The following MTCL1 variants were observed in gnomAD, a reference collection of about 807,000 sequenced individuals.
MTCL1 encodes microtubule crosslinking factor 1, also known as microtubule cross-linking factor 1.
MTCL1 carries 79 observed loss-of-function variants against 141.4 expected under a neutral mutation model. The observed-to-expected ratio is 0.56, with a 90% confidence interval of 0.47 to 0.67. The LOEUF (loss-of-function observed/expected upper bound fraction) is 0.67, where lower values mean the gene tolerates loss of function less well. Ranked by LOEUF, MTCL1 falls within the 30% of genes least tolerant of loss-of-function variation. The pLI is 0.00. For missense variants in MTCL1, 2,177 were observed against 2,113.9 expected, an observed-to-expected ratio of 1.03 and a Z score of -0.59; for synonymous variants, 914 against 875.8, an observed-to-expected ratio of 1.04 and a Z score of -0.77.
chr18:8,714,804 CTT>C (rs34270484), upstream of MTCL1, among the ~76,000 whole-genome samples: 1 of 148,688 alleles, frequency 6.7e-6, no homozygotes. Flanking sequence ...TTTCTTTTCT[CTT>C]TTTTTTTTGA....
At chr18:8,809,297 T>C (rs1394063984) in intron 11 of MTCL1, 4 of 958,038 alleles carry the variant, frequency 4.2e-6, no homozygotes, top group African/African-American at 3.3e-5. Flanking sequence ...GAGACGCATC[T>C]TTATGGTCAC....
intron 11 of MTCL1, among the ~76,000 whole-genome samples, chr18:8,807,343 G>T (rs1217813612): frequency 1.3e-5 from 2 of 152,226 alleles, no homozygotes; most frequent in East Asian, 3.8e-4. Flanking sequence ...TGCATCAGAG[G>T]ACGGCCAGGC....
chr18:8,772,153 G>A (rs1427250410), intron 4 of MTCL1, among the ~76,000 whole-genome samples: 1 of 152,208 alleles, frequency 6.6e-6, no homozygotes, highest in African/African-American at 2.4e-5. Context: ...CTTGGCCAGG[G>A]GACCATATGC....
At chr18:8,724,144 C>T (rs1157831125) in intron 4 of MTCL1, among the ~76,000 whole-genome samples, 3 of 152,112 alleles carry the variant, frequency 2.0e-5, no homozygotes, top group Admixed American at 6.5e-5. Flanking sequence ...TTTTCTGTTA[C>T]GTGAATTTTA....
chr18:8,809,305 C>T, intron 11 of MTCL1: 5 of 1,012,270 alleles, frequency 4.9e-6, no homozygotes, highest in Non-Finnish European at 5.6e-6. Context: ...TCTTTATGGT[C>T]ACTAACTTTC....
intron 4 of MTCL1, among the ~76,000 whole-genome samples, chr18:8,728,197 TAC>T (rs1405913420): frequency 6.6e-6 from 1 of 152,206 alleles, no homozygotes; most frequent in Non-Finnish European, 1.5e-5. Flanking sequence ...TAGATTAATT[TAC>T]AGTTAATTTA....
chr18:8,732,283 T>G (rs2096254652), intron 4 of MTCL1, among the ~76,000 whole-genome samples: 1 of 151,982 alleles, frequency 6.6e-6, no homozygotes, highest in South Asian at 2.1e-4. Context: ...ATTTATTTAT[T>G]TATTTTTTAG....
Position 8,798,265 on chromosome 18 carries a change from G to A in MTCL1, c.2410G>A (p.Ala804Thr), listed in dbSNP as rs114488174. ...AGATCACAGCTTGCGGCTGCAGACC[G>A]CGGACAGGGGACAGCCCCACAAACA... Residue 804 changes from alanine (A) to threonine (T), a missense_variant, in exon 10 of 17, where the codon GCG becomes ACG. Ala to Thr is a moderately conservative substitution (Grantham distance 58). Transcript: ENST00000359865. The A allele has an allele frequency of 4.4e-5, 69 of 1,565,424 alleles. No homozygotes were observed. Among genetic ancestry groups the A allele is most frequent in the African/African-American group, 8.3e-5 (6 of 72,102 alleles).
intron 1 of MTCL1, among the ~76,000 whole-genome samples, chr18:8,710,921 G>T (rs1472673998): frequency 7.9e-6 from 1 of 126,256 alleles, no homozygotes; most frequent in Admixed American, 8.6e-5. Context: ...TAAGTTTTAG[G>T]GTACATGTGC....
intron 4 of MTCL1, among the ~76,000 whole-genome samples, chr18:8,728,508 T>G (rs1225457004): frequency 6.6e-6 from 1 of 152,178 alleles, no homozygotes; most frequent in Non-Finnish European, 1.5e-5. Context: ...GTGTTTGGTA[T>G]TCTATAGTTT....
chr18:8,821,626 GAA>G, intron 14 of MTCL1, 128 bp downstream of exon 13: 1 of 518,668 alleles, frequency 1.9e-6, no homozygotes. Context: ...CACTTCTGAA[GAA>G]GTGGCTGCTT....
chr18:8,785,659 T>C (rs549029081), intron 6 of MTCL1: 14 of 452,638 alleles, frequency 3.1e-5, no homozygotes, highest in African/African-American at 2.4e-4. Flanking sequence ...ACCAGTGTTT[T>C]GCACCCCCAC....
chr18:8,786,137 T>C (rs1304571124), intron 7 of MTCL1, 46 bp downstream of exon 6: 19 of 1,012,138 alleles, frequency 1.9e-5, no homozygotes, highest in Non-Finnish European at 2.3e-5. Flanking sequence ...CCCCCTCCTT[T>C]TTCTGTGTGG....
chr18:8,820,135 T>C (rs2076793222), intron 13 of MTCL1, among the ~76,000 whole-genome samples: 1 of 152,040 alleles, frequency 6.6e-6, no homozygotes, highest in Non-Finnish European at 1.5e-5. Flanking sequence ...TAGGGCCGGA[T>C]GTGGTGGCTC....
intron 4 of MTCL1, among the ~76,000 whole-genome samples, chr18:8,730,567 G>A (rs1171385520): frequency 6.6e-6 from 1 of 152,180 alleles, no homozygotes. Context: ...AAGCGAAGCC[G>A]CTTCTGTTCA....
At position 8,823,410 on chromosome 18, in the gene MTCL1, G is replaced by A. The variant is rs193152934; in HGVS notation, c.3189-1289G>A. 5.2e-3 allele frequency among the ~76,000 whole-genome samples: 785 copies of A among 152,302 alleles called. 6 individuals carry two copies. Among genetic ancestry groups the A allele is most frequent in the Non-Finnish European group, 7.7e-3 (524 of 68,026 alleles). The stretch of plus-strand genomic sequence containing the variant: ...GCTATGTCCACAGAAATGTGGAAAG[G>A]ACCAGGGTGTTGGCATGTGTCCGGC... On this transcript the variant is annotated intron_variant, in intron 14 of 16. Coordinates refer to ENST00000359865, the Ensembl canonical transcript of MTCL1.
chr18:8,767,139 A>G (rs2096463413), intron 4 of MTCL1, among the ~76,000 whole-genome samples: 1 of 152,226 alleles, frequency 6.6e-6, no homozygotes, highest in Non-Finnish European at 1.5e-5. Context: ...TCATGAGATC[A>G]TGGAGCAGAA....
upstream of MTCL1, among the ~76,000 whole-genome samples, chr18:8,715,076 G>C (rs535237680): frequency 6.6e-6 from 1 of 152,190 alleles, no homozygotes; most frequent in East Asian, 1.9e-4. Flanking sequence ...GATTACAGGC[G>C]TGAGCCACCG....
intron 4 of MTCL1, among the ~76,000 whole-genome samples, chr18:8,742,279 C>A (rs1289972434): frequency 1.3e-5 from 2 of 152,196 alleles, no homozygotes; most frequent in African/African-American, 4.8e-5. Context: ...TCTGTTCCCT[C>A]TCCTGCTCTC....
Sources: gnomAD v4.1 joint callset for allele counts (sites outside exome capture counted in the v4.1 genomes callset) on GRCh38, gnomAD v4.1.1 for gene constraint, MANE v1.5 for transcripts, NCBI Gene and HGNC (gene_info 2026-07-23, HGNC 2026-07-21) for gene names.